The following PPP4R3A variants were observed in gnomAD, a reference collection of about 807,000 sequenced individuals.
The protein encoded by PPP4R3A is serine/threonine-protein phosphatase 4 regulatory subunit 3A.
PPP4R3A carries 15 observed loss-of-function variants against 91.7 expected under a neutral mutation model. That is an observed-to-expected ratio of 0.16 (90% CI 0.11 to 0.25). The LOEUF (loss-of-function observed/expected upper bound fraction) is 0.25. Among genes scored for constraint, PPP4R3A ranks in the 10% least tolerant of loss-of-function variants. The pLI is 1.00. For missense variants in PPP4R3A, 623 were observed against 998.4 expected, an observed-to-expected ratio of 0.62 and a Z score of 5.07; for synonymous variants, 377 against 348.7, an observed-to-expected ratio of 1.08 and a Z score of -0.91.
At position 91,475,689 on chromosome 14, in the gene PPP4R3A, G is replaced by A. The variant is rs1038668110; in HGVS notation, c.1266+122C>T. ...AGGAACCAATTTAGGGGAACAATAA[G>A]CTGTCTGATATTATGGCTACACTTT... On this transcript the variant is annotated intron_variant, in intron 7 of 14. Coordinates refer to ENST00000554943, the MANE Select transcript of PPP4R3A (RefSeq NM_001366432.2). 9.9e-6 allele frequency: 9 copies of A among 913,062 alleles called. No individual in the cohort carries two copies. The Admixed American group carries it at 1.1e-4, about 12-fold the overall frequency. 56.6% of individuals were successfully genotyped at this position (913,062 alleles called of 1,614,324 possible).
At position 91,462,216 on chromosome 14, in the gene PPP4R3A, T is replaced by C. The variant is rs1422204562; in HGVS notation, c.1997A>G (p.His666Arg). The change falls in exon 13 of 15, where the codon CAC becomes CGC. Residue 666 changes from histidine (H) to arginine (R), a missense_variant. By Grantham distance (29) the His-to-Arg change is conservative. Coordinates refer to ENST00000554943, the MANE Select transcript of PPP4R3A (RefSeq NM_001366432.2). The stretch of plus-strand genomic sequence containing the variant: ...TGTTCTGGCATCTCTTCGATATCTG[T>C]GATTCCTCAAAATGGAACGCATACT... ...LDSMRSILRN[H>R]RYRRDARTLE... 1.1e-5 allele frequency: 18 copies of C among 1,593,578 alleles called. No individual in the cohort carries two copies. The highest frequency in any genetic ancestry group is 1.4e-5 in the Non-Finnish European group (17 of 1,173,770).
chr14:91,478,072 C>T (rs1292335825), intron 4 of PPP4R3A, among the ~76,000 whole-genome samples: 1 of 152,204 alleles, frequency 6.6e-6, no homozygotes, highest in Non-Finnish European at 1.5e-5. Context: ...ATTACTGGCT[C>T]CACATTCACT....
chr14:91,498,909 CTCCAA>C (rs1377319862), intron 1 of PPP4R3A, among the ~76,000 whole-genome samples: 5 of 127,084 alleles, frequency 3.9e-5, no homozygotes, highest in South Asian at 2.6e-4. Flanking sequence ...CAGAGTGAGA[CTCCAA>C]CTCAAAAAAA....
chr14:91,489,573 T>A (rs747644381), intron 2 of PPP4R3A, among the ~76,000 whole-genome samples: 3 of 152,198 alleles, frequency 2.0e-5, no homozygotes, highest in Non-Finnish European at 4.4e-5. Flanking sequence ...CAAAAACCTA[T>A]AGGCTGAGAC....
chr14:91,509,678 C>G lies in PPP4R3A; in HGVS notation c.-31G>C. On this transcript the variant is annotated 5_prime_UTR_variant, in exon 1 of 15. Coordinates refer to ENST00000554943, the MANE Select transcript of PPP4R3A (RefSeq NM_001366432.2). Reference sequence around the variant, plus strand: ...CGCCCGGGAACCGGGGCGGGGGCCCCGCCAGTAGACGCCCAGGAAAGGGGC... The same window carrying G: ...CGCCCGGGAACCGGGGCGGGGGCCCGGCCAGTAGACGCCCAGGAAAGGGGC... 1 of 1,583,496 alleles carries G rather than the reference C, an allele frequency of 6.3e-7. No individual in the cohort carries two copies. Among genetic ancestry groups the G allele is most frequent in the South Asian group, 1.1e-5 (1 of 89,378 alleles).
At chr14:91,459,094 T>C (rs1292679568) in intron 14 of PPP4R3A, among the ~76,000 whole-genome samples, 1 of 152,076 alleles carries the variant, frequency 6.6e-6, no homozygotes, top group Non-Finnish European at 1.5e-5. Context: ...TTGAGTTAAT[T>C]AGAATTAAAG....
rs1340328079 is a variant in PPP4R3A, at chr14:91,476,527, G to A, written c.994-3C>T. 4 of 1,543,354 alleles carry A rather than the reference G, an allele frequency of 2.6e-6. No homozygotes were observed. Among genetic ancestry groups the A allele is most frequent in the East Asian group, 4.5e-5 (2 of 44,422 alleles). ...CAAAATTCTTTTAAAAAGTTAACCTGAAATTAGAAAAAAGGATAAGTGATA... is the reference window on the plus strand; with the variant it reads ...CAAAATTCTTTTAAAAAGTTAACCTAAAATTAGAAAAAAGGATAAGTGATA... On this transcript the variant is annotated splice_region_variant and splice_polypyrimidine_tract_variant and intron_variant, in intron 5 of 14. Coordinates refer to ENST00000554943, the MANE Select transcript of PPP4R3A (RefSeq NM_001366432.2).
At position 91,470,047 on chromosome 14, in the gene PPP4R3A, A is replaced by AAAC. The variant is rs372950400; in HGVS notation, c.1660+787_1660+789dup. Among the ~76,000 whole-genome samples the AAAC allele has an allele frequency of 4.2e-4, 64 of 152,170 alleles. No homozygotes were observed. The South Asian group carries it at 9.3e-3, about 22-fold the overall frequency. On this transcript the variant is annotated intron_variant, in intron 10 of 14. Transcript: ENST00000554943. ...ATTAGTGCATGACTATGACTGCTTC[A>AAAC]AACAACAACAACAACAAACACTCAA...
At chr14:91,485,781 G>T in intron 2 of PPP4R3A, 51 bp from the exon 3 acceptor site, 1 of 1,221,018 alleles carries the variant, frequency 8.2e-7, no homozygotes, top group Non-Finnish European at 1.1e-6. Flanking sequence ...TATCACAAAC[G>T]AAAATGAACA....
chr14:91,487,460 G>A (rs978863418), intron 2 of PPP4R3A, among the ~76,000 whole-genome samples: 4 of 151,972 alleles, frequency 2.6e-5, no homozygotes, highest in Non-Finnish European at 4.4e-5. Context: ...TCACTCAAGT[G>A]TTTTTTCAAG....
intron 9 of PPP4R3A, among the ~76,000 whole-genome samples, chr14:91,471,747 G>T (rs951257667): frequency 1.3e-5 from 2 of 152,134 alleles, no homozygotes; most frequent in South Asian, 4.1e-4. Context: ...TGTGTTTTAT[G>T]TGAGTGCTAT....
At chr14:91,462,365 T>A in intron 12 of PPP4R3A, 126 bp from the exon 13 acceptor site, 1 of 969,850 alleles carries the variant, frequency 1.0e-6, no homozygotes, top group Non-Finnish European at 1.4e-6. Context: ...AGTATCAATG[T>A]AAATCCAGGT....
rs1887909222 is a variant in PPP4R3A, at chr14:91,458,538, A to C, written c.*221T>G. On this transcript the variant is annotated 3_prime_UTR_variant, in exon 15 of 15. Transcript: ENST00000554943. ...CTGAGAAAAGGGCAATGTGTGGTCC[A>C]AGCTGGAGAGCTCAAAGGCTTAAGT... 2 of 660,988 alleles carry C rather than the reference A, an allele frequency of 3.0e-6. No homozygotes were observed. Among genetic ancestry groups the C allele is most frequent in the African/African-American group, 1.8e-5 (1 of 55,754 alleles). 40.9% of individuals were successfully genotyped at this position (660,988 alleles called of 1,614,324 possible). A position where few individuals can be genotyped will look rare whatever the true frequency, so the allele number is the denominator to read the frequency against.
chr14:91,502,091 A>G (rs1891001007), intron 1 of PPP4R3A, among the ~76,000 whole-genome samples: 1 of 152,044 alleles, frequency 6.6e-6, no homozygotes, highest in Non-Finnish European at 1.5e-5. Context: ...CTTTTCGGAA[A>G]AAAATTTAAA....
At chr14:91,473,002 A>G in intron 9 of PPP4R3A, 31 bp downstream of exon 9, 1 of 1,595,706 alleles carries the variant, frequency 6.3e-7, no homozygotes, top group Non-Finnish European at 8.6e-7. Flanking sequence ...TCAAGAACAG[A>G]GAACTTAACT....
intron 11 of PPP4R3A, among the ~76,000 whole-genome samples, chr14:91,464,044 C>T (rs1052860584): frequency 3.3e-5 from 5 of 152,058 alleles, no homozygotes; most frequent in East Asian, 1.9e-4. Context: ...TGTCACAGGC[C>T]GGGTGAAGAG....
At chr14:91,495,506 G>A (rs1267846843) in intron 1 of PPP4R3A, among the ~76,000 whole-genome samples, 1 of 152,086 alleles carries the variant, frequency 6.6e-6, no homozygotes, top group Non-Finnish European at 1.5e-5. Flanking sequence ...AAATAGATTA[G>A]TGGTTGTTTA....
At chr14:91,490,897 AT>A in intron 1 of PPP4R3A, 95 bp from the exon 2 acceptor site, 4 of 527,552 alleles carry the variant, frequency 7.6e-6, no homozygotes, top group Non-Finnish European at 5.9e-6. Context: ...AAAAATAATA[AT>A]AATTTTTTTT....
intron 7 of PPP4R3A, chr14:91,475,594 C>A: frequency 2.4e-6 from 1 of 415,848 alleles, no homozygotes; most frequent in Non-Finnish European, 4.2e-6. Flanking sequence ...AAAAAACTGA[C>A]ATGAATATTT....
Sources: allele counts gnomAD v4.1 joint callset (sites outside exome capture counted in the v4.1 genomes callset), GRCh38; gene constraint gnomAD v4.1.1; transcripts MANE v1.5; gene names NCBI Gene and HGNC (gene_info 2026-07-23, HGNC 2026-07-21).